Variants in COL5A1 observed in about 807,000 individuals in gnomAD.
COL5A1 encodes the protein collagen type V alpha 1 chain.
In COL5A1, 16 loss-of-function variants were observed where a neutral mutation model predicts 263.7. The observed-to-expected ratio is 0.06, with a 90% CI of 0.04 to 0.09. COL5A1 has a LOEUF of 0.09. COL5A1 is among the 10% of genes least tolerant of loss of function. COL5A1 has a pLI of 1.00. For synonymous variants in COL5A1, 1,012 were observed against 1,004.5 expected (o/e 1.01, Z -0.14); for missense variants, 2,036 against 2,540.5 (o/e 0.80, Z 4.27).
Position 134,792,490 on chromosome 9 carries a change from C to T in COL5A1, c.2701-2592C>T. On this transcript the variant is annotated intron_variant, in intron 32 of 65. Coordinates refer to ENST00000371817, the MANE Select transcript of COL5A1 (RefSeq NM_000093.5). Reference sequence around the variant, plus strand: ...TCCCAGGCTCAAGCAATTCTCCTGCCTCAGCCTCCTAAGTAGTTGAGATTA... The same window carrying T: ...TCCCAGGCTCAAGCAATTCTCCTGCTTCAGCCTCCTAAGTAGTTGAGATTA... Among the ~76,000 whole-genome samples the T allele has an allele frequency of 1.3e-5, 2 of 152,286 alleles. 1 individual carries two copies. The highest frequency in any genetic ancestry group is 4.8e-5 in the African/African-American group (2 of 41,558).
intron 59 of COL5A1, among the ~76,000 whole-genome samples, chr9:134,822,417 T>TA (rs1839045200): frequency 6.6e-6 from 1 of 152,196 alleles, no homozygotes; most frequent in Non-Finnish European, 1.5e-5. Context: ...CACTTGTCTG[T>TA]AGGCATCTGG....
At chr9:134,810,443 T>C in intron 44 of COL5A1, 135 bp downstream of exon 44, 1 of 806,814 alleles carries the variant, frequency 1.2e-6, no homozygotes, top group Non-Finnish European at 2.0e-6. Context: ...AAATCTCCCG[T>C]GCATGTGTGT....
intron 1 of COL5A1, among the ~76,000 whole-genome samples, chr9:134,665,086 C>G (rs530890024): frequency 6.6e-6 from 1 of 152,158 alleles, no homozygotes; most frequent in East Asian, 1.9e-4. Context: ...GTAATCCCAG[C>G]TGCTCAGGAG....
chr9:134,774,772 G>C, intron 26 of COL5A1, 87 bp from the exon 27 acceptor site: 2 of 1,357,520 alleles, frequency 1.5e-6, no homozygotes, highest in South Asian at 2.5e-5. Flanking sequence ...CAGCAGGAGG[G>C]GTATGCCGAA....
At chr9:134,665,858 C>T (rs1832339691) in intron 1 of COL5A1, among the ~76,000 whole-genome samples, 1 of 152,196 alleles carries the variant, frequency 6.6e-6, no homozygotes, top group Admixed American at 6.5e-5. Context: ...GAGGCCAAGG[C>T]AGGTGGATCA....
At chr9:134,835,640 C>G (rs1450062485) in intron 65 of COL5A1, among the ~76,000 whole-genome samples, 1 of 152,216 alleles carries the variant, frequency 6.6e-6, no homozygotes, top group Non-Finnish European at 1.5e-5. Flanking sequence ...CAGACAGTTG[C>G]CAGCTCTCCG....
chr9:134,822,173 G>T, intron 59 of COL5A1, 23 bp downstream of exon 59: 2 of 1,418,316 alleles, frequency 1.4e-6, no homozygotes, highest in Non-Finnish European at 2.0e-6. Context: ...GAGGGGCTTG[G>T]TCATTCCTGG....
Position 134,825,904 on chromosome 9 carries a change from G to A in COL5A1, c.5067G>A (p.Gly1689=), listed in dbSNP as rs762688625. The change falls in exon 63 of 66, where the codon GGG becomes GGA. Residue 1689 remains glycine, a splice_region_variant and synonymous_variant. Coordinates refer to ENST00000371817, the MANE Select transcript of COL5A1 (RefSeq NM_000093.5). ...TCTTCCCTGACAAGAAGTCCGAAGG[G>A]GTGAGTAGCTGTGTCCCTCCATGGC... The part of the protein sequence containing the change: ...TCVFPDKKSE[G]ARITSWPKEN... The A allele has an allele frequency of 1.2e-6, 2 of 1,607,132 alleles. No individual in the cohort carries two copies. The highest frequency in any genetic ancestry group is 2.2e-5 in the East Asian group (1 of 44,778).
At chr9:134,673,681 A>G (rs1462045471) in intron 1 of COL5A1, among the ~76,000 whole-genome samples, 1 of 152,224 alleles carries the variant, frequency 6.6e-6, no homozygotes, top group East Asian at 1.9e-4. Context: ...ATAGGAAACA[A>G]AACTATGAGC....
In COL5A1 at chr9:134,763,925, C is replaced by T. The variant is rs1443944268; in HGVS notation, c.2034+188C>T. ...AGGAGGCACAGGCGAGGCTGGCTGG[C>T]AACTCCAGGAGGAAGTCTGAGCCTG... is the stretch of plus-strand genomic sequence containing the variant. On this transcript the variant is annotated intron_variant, in intron 20 of 65. Coordinates refer to ENST00000371817, the MANE Select transcript of COL5A1 (RefSeq NM_000093.5). Among the ~76,000 whole-genome samples the T allele has an allele frequency of 2.0e-5, 3 of 150,974 alleles. No homozygotes were observed. The East Asian group carries it at 6.0e-4, about 30-fold the overall frequency.
At chr9:134,746,514 G>A (rs545686981) in intron 11 of COL5A1, among the ~76,000 whole-genome samples, 9 of 152,362 alleles carry the variant, frequency 5.9e-5, no homozygotes, top group Admixed American at 1.3e-4. Flanking sequence ...ATCTGCAGTG[G>A]CAGAGGGAGC....
At chr9:134,834,851 T>G in intron 64 of COL5A1, 120 bp from the exon 65 acceptor site, 1 of 751,626 alleles carries the variant, frequency 1.3e-6, no homozygotes, top group South Asian at 1.5e-5. Context: ...TACAGTGCGT[T>G]TCCAGGTAGT....
rs1838713778 is a variant in COL5A1, at chr9:134,815,602, T to C, written c.4041T>C (p.Pro1347=). The C allele has an allele frequency of 6.2e-7, 1 of 1,613,624 alleles. No homozygotes were observed. The highest frequency in any genetic ancestry group is 1.7e-5 in the Admixed American group (1 of 59,966). Residue 1347 remains proline, a synonymous_variant, in exon 51 of 66, where the codon CCT becomes CCC. Coordinates refer to ENST00000371817, the MANE Select transcript of COL5A1 (RefSeq NM_000093.5). ...SPGPVGFPGD[P]GPPGEPGPAG... The stretch of plus-strand genomic sequence containing the variant: ...GCCCAGTGGGTTTTCCTGGAGATCC[T>C]GGCCCCCCCGGAGAGCCTGGCCCCG...
intron 22 of COL5A1, 43 bp from the exon 23 acceptor site, chr9:134,766,957 T>C (rs376080854): frequency 5.1e-6 from 8 of 1,581,758 alleles, no homozygotes; most frequent in Non-Finnish European, 6.9e-6. Context: ...GGGGATACAG[T>C]TCCCAGAGCC....
intron 22 of COL5A1, 73 bp from the exon 23 acceptor site, chr9:134,766,927 G>T: frequency 7.1e-7 from 1 of 1,408,262 alleles, no homozygotes. Flanking sequence ...GCCAGTGAGG[G>T]GGCACACGAC....
At chr9:134,722,138 A>G (rs1318089988) in intron 4 of COL5A1, among the ~76,000 whole-genome samples, 1 of 152,212 alleles carries the variant, frequency 6.6e-6, no homozygotes, top group Non-Finnish European at 1.5e-5. Context: ...TGGTGGGGAA[A>G]TGATTCGAAC....
Position 134,701,243 on chromosome 9 carries a change from C to G in COL5A1, c.564C>G (p.Thr188=), listed in dbSNP as rs1441651474. ...TCCTCGACTGTAAAAAGAAGACCAC[C>G]AAATTCCTCGACCGCAGCGACCACC... ...TLILDCKKKT[T]KFLDRSDHPM... The change falls in exon 4 of 66, where the codon ACC becomes ACG. Residue 188 remains threonine (T), a synonymous_variant. Coordinates refer to ENST00000371817, the MANE Select transcript of COL5A1 (RefSeq NM_000093.5). 3 of 1,613,886 alleles carry G rather than the reference C, an allele frequency of 1.9e-6. No individual in the cohort carries two copies. In the South Asian group the frequency reaches 3.3e-5, roughly 18 times the overall value.
chr9:134,794,923 A>G lies in COL5A1; in HGVS notation c.2701-159A>G, dbSNP rs1837840901. On this transcript the variant is annotated intron_variant, in intron 32 of 65. Transcript: ENST00000371817. This position sits in a 1 kb window ranked among gnomAD's most constrained non-coding sequence, Gnocchi z 4.3. ...TGCGGTGAGCTTCTCGCCCTGATAA[A>G]TCTCCTATTAAAACACGGAAAAGGT... Among the ~76,000 whole-genome samples the G allele has an allele frequency of 6.6e-6, 1 of 152,128 alleles. No homozygotes were observed. Among genetic ancestry groups the G allele is most frequent in the Non-Finnish European group, 1.5e-5 (1 of 68,026 alleles).
intron 2 of COL5A1, among the ~76,000 whole-genome samples, chr9:134,692,635 A>G (rs374322813): frequency 2.6e-5 from 4 of 152,180 alleles, no homozygotes; most frequent in Admixed American, 1.3e-4. Context: ...GGGGATCTTC[A>G]GCCACTTTGT....
Sources: allele counts gnomAD v4.1 joint callset (sites outside exome capture counted in the v4.1 genomes callset), GRCh38; gene constraint gnomAD v4.1.1; non-coding constraint Gnocchi (gnomAD v3.1); transcripts MANE v1.5; gene names NCBI Gene and HGNC (gene_info 2026-07-23, HGNC 2026-07-21).